Variants in RGS7 observed in about 807,000 individuals in gnomAD.
RGS7 encodes regulator of G protein signaling 7.
Under a neutral mutation model 81.1 loss-of-function variants are expected in RGS7, and 27 were observed. The ratio of observed to expected loss-of-function variants is 0.33; its 90% CI spans 0.25 to 0.46. The LOEUF (loss-of-function observed/expected upper bound fraction) is 0.46, where lower values mean the gene tolerates loss of function less well. RGS7 is among the 20% of genes least tolerant of loss of function. RGS7 has a pLI of 1.00. For synonymous variants in RGS7, 208 were observed against 207.7 expected (o/e 1.00, Z -0.01); for missense variants, 396 against 607.4 (o/e 0.65, Z 3.66).
rs373995103 is a variant in RGS7 at position 240,821,913 on chromosome 1, T to C, written c.684+5185A>G. 8.5e-5 allele frequency among the ~76,000 whole-genome samples: 13 copies of C among 152,300 alleles called. 1 individual carries two copies. The highest frequency in any genetic ancestry group is 3.1e-4 in the African/African-American group (13 of 41,566). On this transcript the variant is annotated intron_variant, in intron 10 of 18. Coordinates refer to ENST00000440928, the MANE Select transcript of RGS7 (RefSeq NM_001364886.1). ...AATCACACATACATGCAGATGCTCT[T>C]ATCATTTCCCTCAGGTTTTGTGACC...
At chr1:241,259,650 C>CAAAAAAAAAAAAAA (rs71571832) in intron 2 of RGS7, among the ~76,000 whole-genome samples, 8 of 39,904 alleles carry the variant, frequency 2.0e-4, no homozygotes, top group South Asian at 1.1e-3. Context: ...AACTCCGTCT[C>CAAAAAAAAAAAAAA]AAAAAAAAAA....
chr1:241,236,334 G>A (rs191136755), intron 2 of RGS7, among the ~76,000 whole-genome samples: 28 of 152,148 alleles, frequency 1.8e-4, no homozygotes, highest in African/African-American at 4.6e-4. Flanking sequence ...ATGCAATTTC[G>A]CAATTCAAGG....
chr1:240,817,662 G>T (rs1280159920), intron 10 of RGS7, among the ~76,000 whole-genome samples: 1 of 152,122 alleles, frequency 6.6e-6, no homozygotes, highest in East Asian at 1.9e-4. Context: ...GAGTGCAGTG[G>T]CGTAATCTTG....
chr1:241,044,851 T>G (rs1053343099), intron 3 of RGS7, among the ~76,000 whole-genome samples: 1 of 152,202 alleles, frequency 6.6e-6, no homozygotes, highest in Non-Finnish European at 1.5e-5. Context: ...AACACAAGAA[T>G]TTAGAGCAAT....
intron 2 of RGS7, among the ~76,000 whole-genome samples, chr1:241,150,353 A>G (rs2068655204): frequency 6.6e-6 from 1 of 152,208 alleles, no homozygotes; most frequent in African/African-American, 2.4e-5. Context: ...ATTAAAATAG[A>G]AATATTTCAA....
chr1:241,202,915 C>T (rs1309066045), intron 2 of RGS7, among the ~76,000 whole-genome samples: 7 of 151,948 alleles, frequency 4.6e-5, no homozygotes, highest in African/African-American at 1.5e-4. Flanking sequence ...CAGGAGGGAA[C>T]GAGGTCAGAG....
intron 3 of RGS7, among the ~76,000 whole-genome samples, chr1:241,094,238 AACACACACACACACAC>A (rs149481776): frequency 1.5e-5 from 2 of 136,380 alleles, no homozygotes; most frequent in East Asian, 2.1e-4. Flanking sequence ...GACATACATA[AACACACACACACACAC>A]ACACACACAC....
intron 18 of RGS7, among the ~76,000 whole-genome samples, chr1:240,799,814 T>G (rs1687741340): frequency 6.6e-6 from 1 of 152,152 alleles, no homozygotes; most frequent in African/African-American, 2.4e-5. Flanking sequence ...AGGTGGCAAT[T>G]GTGTGAATTT....
chr1:240,862,184 G>A (rs755552879), intron 9 of RGS7, among the ~76,000 whole-genome samples: 4 of 151,970 alleles, frequency 2.6e-5, no homozygotes, highest in Non-Finnish European at 4.4e-5. Flanking sequence ...ACATACTTAG[G>A]AGGCTAACTT....
At chr1:241,045,548 G>A (rs1267657581) in intron 3 of RGS7, among the ~76,000 whole-genome samples, 1 of 152,004 alleles carries the variant, frequency 6.6e-6, no homozygotes. Context: ...ATTTTTAGTG[G>A]AGACAGGGTT....
intron 6 of RGS7, among the ~76,000 whole-genome samples, chr1:240,914,718 G>A (rs974570456): frequency 7.2e-5 from 11 of 151,992 alleles, no homozygotes; most frequent in African/African-American, 2.7e-4. Flanking sequence ...GGCATTTAAG[G>A]AGCTTGGAAG....
intron 9 of RGS7, among the ~76,000 whole-genome samples, chr1:240,859,727 T>C (rs900873962): frequency 6.6e-6 from 1 of 152,116 alleles, no homozygotes; most frequent in Non-Finnish European, 1.5e-5. Context: ...TTAATTTTTA[T>C]CATTTCTTCT....
intron 2 of RGS7, among the ~76,000 whole-genome samples, chr1:241,266,025 C>T (rs186035158): frequency 6.6e-6 from 1 of 152,156 alleles, no homozygotes; most frequent in Non-Finnish European, 1.5e-5. Context: ...AACTCCCGAC[C>T]TCAGGTGATC....
chr1:240,803,262 A>G (rs1688296048), intron 15 of RGS7, among the ~76,000 whole-genome samples: 1 of 152,178 alleles, frequency 6.6e-6, no homozygotes, highest in African/African-American at 2.4e-5. Flanking sequence ...ATAAAATGTC[A>G]TAAAATTACC....
chr1:241,190,960 C>T (rs1376256647), intron 2 of RGS7, among the ~76,000 whole-genome samples: 1 of 151,898 alleles, frequency 6.6e-6, no homozygotes, highest in Non-Finnish European at 1.5e-5. Context: ...TGTTCTTTAT[C>T]ACGTTGTGAA....
At chr1:240,877,536 A>C (rs921973781) in intron 6 of RGS7, among the ~76,000 whole-genome samples, 15 of 152,210 alleles carry the variant, frequency 9.9e-5, no homozygotes, top group Middle Eastern at 3.4e-3. Flanking sequence ...CTTCTTTAAT[A>C]GTCTGTTGTG....
At chr1:241,224,780 T>G (rs2075217932) in intron 2 of RGS7, among the ~76,000 whole-genome samples, 1 of 152,178 alleles carries the variant, frequency 6.6e-6, no homozygotes, top group African/African-American at 2.4e-5. Flanking sequence ...TTGTTCAGTC[T>G]GCATTGTCTC....
chr1:240,839,096 T>C (rs1202726729), intron 9 of RGS7, among the ~76,000 whole-genome samples: 4 of 152,174 alleles, frequency 2.6e-5, no homozygotes, highest in African/African-American at 7.2e-5. Flanking sequence ...GCAATGCCTA[T>C]GAGGCTAGAT....
chr1:240,919,715 A>G, intron 6 of RGS7: 1 of 612,882 alleles, frequency 1.6e-6, no homozygotes, highest in Non-Finnish European at 3.0e-6. Flanking sequence ...TGGAGGGCTG[A>G]GCTTTGAAAC....
Sources: allele counts gnomAD v4.1 joint callset (sites outside exome capture counted in the v4.1 genomes callset), GRCh38; gene constraint gnomAD v4.1.1; transcripts MANE v1.5; gene names NCBI Gene and HGNC (gene_info 2026-07-23, HGNC 2026-07-21).